The following NECTIN3 variants were observed in gnomAD, a reference collection of about 807,000 sequenced individuals.
NECTIN3 encodes nectin-3.
A neutral mutation model predicts 49.4 loss-of-function variants in NECTIN3; 8 were observed. The observed-to-expected ratio is 0.16, with a 90% CI of 0.10 to 0.29. NECTIN3 has a LOEUF of 0.29. Ranked by LOEUF, NECTIN3 falls within the 10% of genes least tolerant of loss-of-function variation. NECTIN3 has a pLI of 1.00. For synonymous variants in NECTIN3, 277 were observed against 241.1 expected, an observed-to-expected ratio of 1.15 and a Z score of -1.38; for missense variants, 581 against 654.6, an observed-to-expected ratio of 0.89 and a Z score of 1.23.
chr3:111,118,475 C>G (rs1241896697), intron 2 of NECTIN3, among the ~76,000 whole-genome samples, 181 bp from the exon 3 acceptor site: 1 of 151,120 alleles, frequency 6.6e-6, no homozygotes, highest in Non-Finnish European at 1.5e-5. Flanking sequence ...CTCATTTGTC[C>G]TAGTTTATGA....
intron 5 of NECTIN3, among the ~76,000 whole-genome samples, chr3:111,127,911 T>C (rs2034231941): frequency 6.6e-6 from 1 of 152,150 alleles, no homozygotes; most frequent in South Asian, 2.1e-4. Context: ...ACTCTCTCTT[T>C]AGTTAGAGAA....
At chr3:111,099,351 A>G (rs1157349720) in intron 1 of NECTIN3, among the ~76,000 whole-genome samples, 2 of 152,200 alleles carry the variant, frequency 1.3e-5, no homozygotes, top group African/African-American at 4.8e-5. Context: ...TAGGTTTACA[A>G]GTATTGTGGT....
At chr3:111,142,029 A>G (rs1323950480), downstream of NECTIN3, among the ~76,000 whole-genome samples, 1 of 151,892 alleles carries the variant, frequency 6.6e-6, no homozygotes, top group African/African-American at 2.4e-5. Flanking sequence ...TTTCATCAAA[A>G]TACTTGTCTA....
At chr3:111,177,085 C>A (rs2035544561) in intron 7 of NECTIN3, among the ~76,000 whole-genome samples, 1 of 152,036 alleles carries the variant, frequency 6.6e-6, no homozygotes. Context: ...AACAGAGTGT[C>A]TTTTTCTAGT....
At chr3:111,158,557 T>C (rs1479004355) in intron 7 of NECTIN3, among the ~76,000 whole-genome samples, 1 of 152,132 alleles carries the variant, frequency 6.6e-6, no homozygotes, top group Non-Finnish European at 1.5e-5. Flanking sequence ...TACTTTTAAG[T>C]AGAACCTGAG....
intron 5 of NECTIN3, among the ~76,000 whole-genome samples, chr3:111,144,053 A>C (rs543320635): frequency 6.6e-6 from 1 of 152,090 alleles, no homozygotes; most frequent in African/African-American, 2.4e-5. Context: ...GTTTTGTTAC[A>C]TTCCTTAATA....
downstream of NECTIN3, among the ~76,000 whole-genome samples, chr3:111,138,877 A>T (rs2034668933): frequency 6.6e-6 from 1 of 151,662 alleles, no homozygotes; most frequent in African/African-American, 2.4e-5. Flanking sequence ...AATTAAGAGA[A>T]ATATCCCAGG....
At chr3:111,109,392 T>A (rs1465665077) in intron 1 of NECTIN3, among the ~76,000 whole-genome samples, 2 of 152,178 alleles carry the variant, frequency 1.3e-5, no homozygotes, top group African/African-American at 2.4e-5. Context: ...TGGTCCTCAG[T>A]AATGTTAAAT....
chr3:111,073,180 C>T (rs2030923917), intron 1 of NECTIN3, among the ~76,000 whole-genome samples: 1 of 152,000 alleles, frequency 6.6e-6, no homozygotes, highest in Non-Finnish European at 1.5e-5. Flanking sequence ...TTTGAGGGCT[C>T]TTGGTAAGAA....
At chr3:111,107,394 C>T (rs547821684) in intron 1 of NECTIN3, among the ~76,000 whole-genome samples, 1 of 152,006 alleles carries the variant, frequency 6.6e-6, no homozygotes, top group Non-Finnish European at 1.5e-5. Context: ...GCTAATGATA[C>T]AAAACTAAAC....
chr3:111,082,114 G>C (rs1224532761), intron 1 of NECTIN3, among the ~76,000 whole-genome samples: 2 of 152,166 alleles, frequency 1.3e-5, no homozygotes, highest in Non-Finnish European at 2.9e-5. Context: ...ATGGTGTTTG[G>C]ATATCATTGT....
intron 4 of NECTIN3, among the ~76,000 whole-genome samples, chr3:111,123,630 G>A (rs973190894): frequency 6.6e-6 from 1 of 152,126 alleles, no homozygotes; most frequent in Non-Finnish European, 1.5e-5. Flanking sequence ...GGAGGAATCT[G>A]TTGTTCTGTT....
intron 2 of NECTIN3, among the ~76,000 whole-genome samples, chr3:111,117,391 T>A (rs1255218847): frequency 6.6e-6 from 1 of 151,986 alleles, no homozygotes; most frequent in Admixed American, 6.6e-5. Flanking sequence ...GGTAGGCAGG[T>A]TTTTAAGATG....
At chr3:111,189,233 C>CTA (rs1174432601), upstream of NECTIN3, among the ~76,000 whole-genome samples, 4 of 152,078 alleles carry the variant, frequency 2.6e-5, no homozygotes, top group African/African-American at 9.7e-5. Flanking sequence ...TTAAGTCACA[C>CTA]TATTAGACAT....
chr3:111,185,827 G>A (rs1175258249), intron 7 of NECTIN3, among the ~76,000 whole-genome samples: 1 of 152,126 alleles, frequency 6.6e-6, no homozygotes. Context: ...GTAAAGAAAA[G>A]AGACAATTCC....
chr3:111,090,731 G>C (rs2032217336), intron 1 of NECTIN3, among the ~76,000 whole-genome samples: 1 of 151,464 alleles, frequency 6.6e-6, no homozygotes, highest in Non-Finnish European at 1.5e-5. Flanking sequence ...TTCTTACTCT[G>C]AAGATCATCC....
chr3:111,179,991 CTAA>C (rs971819683), intron 7 of NECTIN3, among the ~76,000 whole-genome samples: 47 of 151,392 alleles, frequency 3.1e-4, no homozygotes, highest in Admixed American at 1.4e-3. Flanking sequence ...TATTAGAGAA[CTAA>C]TAATTAACTT....
intron 7 of NECTIN3, among the ~76,000 whole-genome samples, chr3:111,172,144 C>A (rs1400333825): frequency 1.3e-5 from 2 of 151,872 alleles, no homozygotes; most frequent in African/African-American, 4.8e-5. Flanking sequence ...TGTCGTTTTC[C>A]CTTGTATTTG....
intron 7 of NECTIN3, among the ~76,000 whole-genome samples, chr3:111,160,749 T>C (rs1297436035): frequency 6.6e-6 from 1 of 152,240 alleles, no homozygotes; most frequent in Non-Finnish European, 1.5e-5. Flanking sequence ...GGCTAACGCC[T>C]GTAATCCCAG....
Sources: allele counts gnomAD v4.1 joint callset (sites outside exome capture counted in the v4.1 genomes callset), GRCh38; gene constraint gnomAD v4.1.1; transcripts MANE v1.5; gene names NCBI Gene and HGNC (gene_info 2026-07-23, HGNC 2026-07-21).